Variants in IARS1 observed in about 807,000 individuals in gnomAD.
IARS1 encodes isoleucyl-tRNA synthetase 1, also known as isoleucine--tRNA ligase, cytoplasmic.
IARS1 carries 124 observed loss-of-function variants against 168.2 expected under a neutral mutation model. The observed-to-expected ratio is 0.74, with a 90% confidence interval of 0.64 to 0.86. The LOEUF (loss-of-function observed/expected upper bound fraction) is 0.86. IARS1 is among the 40% of genes least tolerant of loss of function. The probability of loss-of-function intolerance (pLI) is 0.00; values close to 1 mark genes in which losing one functional copy is unlikely to be tolerated. For missense variants in IARS1, 1,452 were observed against 1,515.8 expected (o/e 0.96, Z 0.70); for synonymous variants, 532 against 529.4 (o/e 1.00, Z -0.07).
intron 17 of IARS1, among the ~76,000 whole-genome samples, chr9:92,262,556 C>T (rs549382018): frequency 3.5e-4 from 54 of 152,118 alleles, no homozygotes; most frequent in Non-Finnish European, 6.3e-4. Flanking sequence ...CAGAGTACCT[C>T]GGTCAAGCCC....
rs1031896459 is a variant in IARS1, at chr9:92,249,945, G to A, written c.2533-4C>T. The A allele has an allele frequency of 1.2e-5, 18 of 1,530,490 alleles. No individual in the cohort carries two copies. Among genetic ancestry groups the A allele is most frequent in the African/African-American group, 5.5e-5 (4 of 73,044 alleles). The allele number at this position is 1,530,490 out of a possible 1,614,324, so 94.8% of individuals were successfully genotyped here. Reference sequence around the variant, plus strand: ...CCACAATTTCTTTCAAAGGATACTAGGAGGAAAAGGGAGGGGAAAGTTCAC... The same window carrying A: ...CCACAATTTCTTTCAAAGGATACTAAGAGGAAAAGGGAGGGGAAAGTTCAC... On this transcript the variant is annotated splice_region_variant and splice_polypyrimidine_tract_variant and intron_variant, in intron 24 of 33. Coordinates refer to ENST00000443024, the MANE Select transcript of IARS1 (RefSeq NM_002161.6).
intron 17 of IARS1, 150 bp downstream of exon 17, chr9:92,262,819 T>G (rs1319057841): frequency 8.0e-6 from 5 of 621,682 alleles, no homozygotes; most frequent in African/African-American, 7.3e-5. Context: ...TCCTCCTCCA[T>G]CAGGCTTAGC....
At chr9:92,231,054 T>C (rs1277816086) in intron 30 of IARS1, among the ~76,000 whole-genome samples, 6 of 152,230 alleles carry the variant, frequency 3.9e-5, no homozygotes, top group Admixed American at 3.9e-4. Context: ...CATCCTTTTA[T>C]AGGATGTTCA....
chr9:92,241,566 T>TGCTCAAGCGATCTG (rs1828404713), intron 29 of IARS1, among the ~76,000 whole-genome samples: 1 of 152,186 alleles, frequency 6.6e-6, no homozygotes, highest in African/African-American at 2.4e-5. Flanking sequence ...GGTCTCGCAC[T>TGCTCAAGCGATCTG]CTTGACCTCA....
At position 92,264,912 on chromosome 9, in the gene IARS1, A is replaced by G. The variant is rs1487551265; in HGVS notation, c.1700+17T>C. The G allele has an allele frequency of 1.3e-6, 2 of 1,592,906 alleles. No homozygotes were observed. The highest frequency in any genetic ancestry group is 8.5e-7 in the Non-Finnish European group (1 of 1,169,996). On this transcript the variant is annotated intron_variant, in intron 16 of 33. Coordinates refer to ENST00000443024, the MANE Select transcript of IARS1 (RefSeq NM_002161.6). ...TAAAATCAATAAAACACGTGATGAA[A>G]GAACAAGGAGGCATACCATCCTCTG...
intron 6 of IARS1, among the ~76,000 whole-genome samples, chr9:92,282,539 G>C (rs946174587): frequency 6.6e-6 from 1 of 152,034 alleles, no homozygotes; most frequent in African/African-American, 2.4e-5. Flanking sequence ...GGGAGGCCAA[G>C]GCAGGAGGAT....
chr9:92,290,809 T>A (rs916746791), intron 1 of IARS1, among the ~76,000 whole-genome samples: 4 of 152,096 alleles, frequency 2.6e-5, no homozygotes, highest in Non-Finnish European at 5.9e-5. Flanking sequence ...AAGAAAAATA[T>A]CTCAAAGTAG....
At position 92,222,593 on chromosome 9, in the gene IARS1, C is replaced by T. The variant is rs1365986840; in HGVS notation, c.3633G>A (p.Leu1211=). Residue 1211 remains leucine (L), a synonymous_variant, in exon 33 of 34, where the codon CTG becomes CTA. Transcript: ENST00000443024. ...GQNGLTHQGL[L]YEAAKVFGLR... ...GGCCAAACACCTTGGCTGCTTCATA[C>T]AGAAGACCTTGGTGGGTGAGTCCAT... The T allele has an allele frequency of 6.2e-7, 1 of 1,613,988 alleles. No individual in the cohort carries two copies. The highest frequency in any genetic ancestry group is 1.3e-5 in the African/African-American group (1 of 74,912).
At chr9:92,283,453 G>A (rs1326118682) in intron 6 of IARS1, among the ~76,000 whole-genome samples, 1 of 151,948 alleles carries the variant, frequency 6.6e-6, no homozygotes, top group East Asian at 1.9e-4. Context: ...AGACCAGCCT[G>A]GCCAACATGG....
intron 13 of IARS1, 81 bp downstream of exon 13, chr9:92,269,804 T>C: frequency 1.1e-6 from 1 of 917,108 alleles, no homozygotes; most frequent in Middle Eastern, 3.3e-4. Context: ...GTTATTAAAA[T>C]TATAACTTGG....
At chr9:92,283,168 G>A (rs1834905715) in intron 6 of IARS1, among the ~76,000 whole-genome samples, 3 of 152,196 alleles carry the variant, frequency 2.0e-5, no homozygotes, top group South Asian at 2.1e-4. Context: ...TACAGACCGC[G>A]TAGAATAGAG....
intron 5 of IARS1, 68 bp downstream of exon 5, chr9:92,286,467 TG>T: frequency 1.3e-6 from 1 of 784,100 alleles, no homozygotes; most frequent in East Asian, 2.6e-5. Context: ...TTCATGCTAG[TG>T]CATTTTTCCA....
Position 92,288,129 on chromosome 9 carries a change from A to C in IARS1, c.273T>G (p.Pro91=), listed in dbSNP as rs770168801. The C allele has an allele frequency of 1.6e-5, 26 of 1,612,928 alleles. No homozygotes were observed. In the East Asian group the frequency reaches 5.8e-4, roughly 36 times the overall value. Residue 91 remains proline, a synonymous_variant, in exon 3 of 34, where the codon CCT becomes CCG. Coordinates refer to ENST00000443024, the MANE Select transcript of IARS1 (RefSeq NM_002161.6). ...RRFGWDCHGL[P]VEYEIDKTLG... ...AAAGCTGGATACTCAAACATACCAC[A>C]GGTAAGCCATGGCAATCCCATCCAA...
intron 20 of IARS1, among the ~76,000 whole-genome samples, chr9:92,255,995 T>A (rs1305013669): frequency 1.3e-5 from 2 of 151,336 alleles, no homozygotes; most frequent in African/African-American, 4.9e-5. Context: ...CTGTACCCCA[T>A]AAATATATAC....
intron 19 of IARS1, among the ~76,000 whole-genome samples, chr9:92,258,564 T>C (rs555882271): frequency 6.6e-6 from 1 of 152,124 alleles, no homozygotes; most frequent in Non-Finnish European, 1.5e-5. Context: ...CAATCCAGTC[T>C]GGGTGACAAG....
rs1171629321 is a variant in IARS1 at position 92,271,366 on chromosome 9, A to G, written c.1113+167T>C. 2.0e-5 allele frequency among the ~76,000 whole-genome samples: 3 copies of G among 152,182 alleles called. No homozygotes were observed. The East Asian group carries it at 5.8e-4, about 29-fold the overall frequency. On this transcript the variant is annotated intron_variant, in intron 11 of 33. Coordinates refer to ENST00000443024, the MANE Select transcript of IARS1 (RefSeq NM_002161.6). Reference sequence around the variant, plus strand: ...AAATTTCAGCATGCATCCTCTAAAGATATGAGACCCTCTGAACGTAACTGA... The same window carrying G: ...AAATTTCAGCATGCATCCTCTAAAGGTATGAGACCCTCTGAACGTAACTGA...
In IARS1 at chr9:92,242,233, A is replaced by G; in HGVS notation, c.3098T>C (p.Ile1033Thr). ...CAAGGGAGCCTTTATGGTGGTAAAT[A>G]TGAACTCTGTGTGGCTTTCAATAAC... is the stretch of plus-strand genomic sequence containing the variant. ...NSVIESHTEFIFTTIKAPLKP... is the reference protein window; with the variant it reads ...NSVIESHTEFTFTTIKAPLKP... The change falls in exon 29 of 34, where the codon ATA becomes ACA. Residue 1033 changes from isoleucine (I) to threonine (T), a missense_variant. Ile to Thr is a moderately conservative substitution (Grantham distance 89, BLOSUM62 -1). Coordinates refer to ENST00000443024, the MANE Select transcript of IARS1 (RefSeq NM_002161.6). 6.2e-7 allele frequency: 1 copy of G among 1,614,034 alleles called. No individual in the cohort carries two copies. The highest frequency in any genetic ancestry group is 8.5e-7 in the Non-Finnish European group (1 of 1,179,844).
At chr9:92,222,358 A>T (rs1839792919) in intron 33 of IARS1, among the ~76,000 whole-genome samples, 162 bp downstream of exon 33, 2 of 150,964 alleles carry the variant, frequency 1.3e-5, no homozygotes, top group Non-Finnish European at 1.5e-5. Context: ...AAAAAAAAAA[A>T]AAAAAAAGAA....
intron 17 of IARS1, among the ~76,000 whole-genome samples, chr9:92,261,617 A>G (rs748920868): frequency 2.0e-5 from 3 of 152,250 alleles, no homozygotes; most frequent in Non-Finnish European, 2.9e-5. Context: ...TTAGTGGGCT[A>G]TATCAATATC....
Sources: gnomAD v4.1 joint callset for allele counts (sites outside exome capture counted in the v4.1 genomes callset) on GRCh38, gnomAD v4.1.1 for gene constraint, MANE v1.5 for transcripts, NCBI Gene and HGNC (gene_info 2026-07-23, HGNC 2026-07-21) for gene names.